The following OCLN variants were observed in gnomAD, a reference collection of about 807,000 sequenced individuals.
OCLN encodes the protein phosphatase 1, regulatory subunit 115.
A neutral mutation model predicts 47.9 loss-of-function variants in OCLN; 21 were observed. The ratio of observed to expected loss-of-function variants is 0.44; its 90% confidence interval spans 0.31 to 0.63. The LOEUF (loss-of-function observed/expected upper bound fraction) is 0.63, where lower values mean the gene tolerates loss of function less well. Ranked by LOEUF, OCLN falls within the 30% of genes least tolerant of loss-of-function variation. OCLN has a pLI of 0.08. For synonymous variants in OCLN, 117 were observed against 198.4 expected, an observed-to-expected ratio of 0.59 and a Z score of 3.45; for missense variants, 360 against 571.0, an observed-to-expected ratio of 0.63 and a Z score of 3.77.
chr5:69,497,317 C>T (rs1041834820), intron 1 of OCLN, among the ~76,000 whole-genome samples: 3 of 150,842 alleles, frequency 2.0e-5, no homozygotes, highest in South Asian at 2.1e-4. Context: ...ATTCTTCTGA[C>T]GTTAAGTTCT....
intron 4 of OCLN, among the ~76,000 whole-genome samples, chr5:69,520,298 G>T (rs1340587033): frequency 6.7e-6 from 1 of 149,534 alleles, no homozygotes; most frequent in Non-Finnish European, 1.5e-5. Flanking sequence ...TACCACTATG[G>T]GGTACTTTTT....
intron 4 of OCLN, among the ~76,000 whole-genome samples, chr5:69,529,404 C>T (rs1489846988): frequency 6.6e-6 from 1 of 152,134 alleles, no homozygotes; most frequent in Non-Finnish European, 1.5e-5. Context: ...AAAATTTATC[C>T]TCATAATTAC....
intron 2 of OCLN, 56 bp downstream of exon 2, chr5:69,504,350 A>G (rs1346833734): frequency 1.9e-6 from 2 of 1,027,704 alleles, no homozygotes; most frequent in South Asian, 1.3e-5. Flanking sequence ...CATGTAAACA[A>G]TAAGTATGGT....
At chr5:69,497,822 T>G (rs769591985) in intron 1 of OCLN, among the ~76,000 whole-genome samples, 1 of 152,154 alleles carries the variant, frequency 6.6e-6, no homozygotes, top group Non-Finnish European at 1.5e-5. Context: ...TGAATAAAGT[T>G]TGGGATAGGT....
At chr5:69,528,994 A>G (rs1313230392) in intron 4 of OCLN, among the ~76,000 whole-genome samples, 5 of 152,250 alleles carry the variant, frequency 3.3e-5, no homozygotes, top group Non-Finnish European at 5.9e-5. Flanking sequence ...ACTAACTCCA[A>G]ATGAAATATG....
intron 4 of OCLN, among the ~76,000 whole-genome samples, chr5:69,529,672 C>T (rs946107021): frequency 2.6e-5 from 4 of 151,956 alleles, no homozygotes; most frequent in African/African-American, 9.7e-5. Context: ...GGTGCAATCT[C>T]GGCACACTGC....
intron 4 of OCLN, among the ~76,000 whole-genome samples, chr5:69,526,006 A>G (rs932885761): frequency 2.0e-5 from 3 of 152,186 alleles, no homozygotes; most frequent in Non-Finnish European, 4.4e-5. Flanking sequence ...TTTGAGCATC[A>G]CTGTAGGCAA....
intron 1 of OCLN, among the ~76,000 whole-genome samples, chr5:69,498,045 T>C (rs1367580856): frequency 6.6e-6 from 1 of 150,762 alleles, no homozygotes; most frequent in Non-Finnish European, 1.5e-5. Flanking sequence ...GGCAGGAGAA[T>C]GGCGTGAACC....
chr5:69,504,379 C>A, intron 2 of OCLN, 85 bp downstream of exon 2: 1 of 858,334 alleles, frequency 1.2e-6, no homozygotes, highest in Non-Finnish European at 2.0e-6. Context: ...TAAGTGTTTG[C>A]TTTTAAAAAT....
In OCLN at chr5:69,497,385, A is replaced by ATTT. The variant is rs373562576; in HGVS notation, c.-69+4504_-69+4506dup. Among the ~76,000 whole-genome samples, 146 of 116,300 alleles carry ATTT rather than the reference A, an allele frequency of 1.3e-3. 2 individuals carry two copies. Among genetic ancestry groups the ATTT allele is most frequent in the Non-Finnish European group, 2.0e-3 (118 of 59,208 alleles). 76.3% of individuals were successfully genotyped at this position (116,300 alleles called of 152,430 possible). On this transcript the variant is annotated intron_variant, in intron 1 of 8. Coordinates refer to ENST00000396442, the MANE Select transcript of OCLN (RefSeq NM_001205254.2). Reference sequence around the variant, plus strand: ...TTGTCTTAAGACATGGTTTTTCTAGATTTTTTTTTTTTTTTTTTTTTGAGC... The same window carrying ATTT: ...TTGTCTTAAGACATGGTTTTTCTAGATTTTTTTTTTTTTTTTTTTTTTTTGAGC...
At chr5:69,515,557 C>T (rs1580562829) in intron 4 of OCLN, among the ~76,000 whole-genome samples, 1 of 149,460 alleles carries the variant, frequency 6.7e-6, no homozygotes. Context: ...CACCTCCCTC[C>T]CGGACGGGGC....
At chr5:69,512,200 T>C (rs1768809692) in intron 3 of OCLN, among the ~76,000 whole-genome samples, 1 of 152,216 alleles carries the variant, frequency 6.6e-6, no homozygotes, top group South Asian at 2.1e-4. Flanking sequence ...ATTTTAGCTT[T>C]TACAGTTAGG....
intron 4 of OCLN, among the ~76,000 whole-genome samples, chr5:69,528,404 C>G (rs979767842): frequency 6.4e-5 from 2 of 31,480 alleles, no homozygotes; most frequent in Non-Finnish European, 1.5e-4. Context: ...CTGACCTAAA[C>G]AAAGGCATGA....
chr5:69,526,439 A>T (rs1769281673), intron 4 of OCLN, among the ~76,000 whole-genome samples: 1 of 152,176 alleles, frequency 6.6e-6, no homozygotes, highest in Admixed American at 6.5e-5. Context: ...AAACTCTGGC[A>T]TGAGGTACAG....
intron 4 of OCLN, among the ~76,000 whole-genome samples, chr5:69,519,557 C>T (rs1458135084): frequency 6.6e-6 from 1 of 152,112 alleles, no homozygotes; most frequent in Non-Finnish European, 1.5e-5. Context: ...TTTATAGTCA[C>T]TCAGATGGAT....
At chr5:69,520,205 TGCCTC>T (rs1473973840) in intron 4 of OCLN, among the ~76,000 whole-genome samples, 2 of 151,804 alleles carry the variant, frequency 1.3e-5, no homozygotes, top group Admixed American at 6.6e-5. Context: ...GTGATCTGCC[TGCCTC>T]GGCCTCCCAA....
At chr5:69,513,644 G>A (rs1768846084) in intron 3 of OCLN, among the ~76,000 whole-genome samples, 1 of 151,846 alleles carries the variant, frequency 6.6e-6, no homozygotes, top group South Asian at 2.1e-4. Context: ...ACAAGCTTTG[G>A]AACTAGTTTT....
intron 2 of OCLN, 61 bp from the exon 3 acceptor site, chr5:69,509,080 G>T: frequency 1.5e-6 from 2 of 1,333,898 alleles, no homozygotes; most frequent in Admixed American, 1.7e-5. Flanking sequence ...CAAATAAGTT[G>T]TGTTCTTTCT....
At chr5:69,527,290 AGGT>A (rs1401083631) in intron 4 of OCLN, among the ~76,000 whole-genome samples, 1 of 151,486 alleles carries the variant, frequency 6.6e-6, no homozygotes, top group Admixed American at 6.6e-5. Flanking sequence ...AAAAAAAAAA[AGGT>A]GAAGCAGGAA....
Sources: gnomAD v4.1 joint callset for allele counts (sites outside exome capture counted in the v4.1 genomes callset) on GRCh38, gnomAD v4.1.1 for gene constraint, MANE v1.5 for transcripts, NCBI Gene and HGNC (gene_info 2026-07-23, HGNC 2026-07-21) for gene names.